IMMP2L: variants seen among roughly 807,000 people sequenced by gnomAD.
The protein encoded by IMMP2L is mitochondrial inner membrane protease subunit 2.
In IMMP2L, 18 loss-of-function variants were observed where a neutral mutation model predicts 19.3. The observed-to-expected ratio is 0.93, with a 90% confidence interval of 0.64 to 1.38. The LOEUF is 1.38. IMMP2L is among the 40% of genes most tolerant of loss of function. The probability of loss-of-function intolerance (pLI) is 0.00; values close to 1 mark genes in which losing one functional copy is unlikely to be tolerated. For missense variants in IMMP2L, 233 were observed against 218.2 expected (o/e 1.07, Z -0.43); for synonymous variants, 76 against 73.0 (o/e 1.04, Z -0.21).
intron 3 of IMMP2L, among the ~76,000 whole-genome samples, chr7:111,445,976 C>T (rs982434383): frequency 1.4e-4 from 21 of 152,028 alleles, no homozygotes; most frequent in Admixed American, 1.4e-3. Context: ...GTCACTCCCA[C>T]CCGAATATTG....
chr7:111,376,042 T>C (rs1258258932), intron 3 of IMMP2L, among the ~76,000 whole-genome samples: 1 of 152,104 alleles, frequency 6.6e-6, no homozygotes, highest in East Asian at 1.9e-4. Flanking sequence ...TCCTACACAA[T>C]TTACTAGCTC....
rs1231198002 is a variant in IMMP2L at position 111,161,354 on chromosome 7, TA to T, written c.240-197790del. Reference sequence around the variant, plus strand: ...TATCCCGAACAAAATGCTATAAAAATAAAATCCAGTGATACATAAAAACATT... The same window carrying T: ...TATCCCGAACAAAATGCTATAAAAATAAATCCAGTGATACATAAAAACATT... On this transcript the variant is annotated intron_variant, in intron 3 of 5. Coordinates refer to ENST00000405709, the MANE Select transcript of IMMP2L (RefSeq NM_032549.4). Among the ~76,000 whole-genome samples, 3 of 151,866 alleles carry T rather than the reference TA, an allele frequency of 2.0e-5. 1 individual carries two copies. The highest frequency in any genetic ancestry group is 7.2e-5 in the African/African-American group (3 of 41,402).
rs541713329 is a variant in IMMP2L at position 110,670,558 on chromosome 7, C to T, written c.409-6837G>A. On this transcript the variant is annotated intron_variant, in intron 5 of 5. Transcript: ENST00000405709. ...TACAAAAATTAGCCAGATGCAGTGG[C>T]GCCTGCCTGTAATCCCAGCTACTCG... 2.7e-4 allele frequency among the ~76,000 whole-genome samples: 41 copies of T among 152,034 alleles called. No homozygotes were observed. In the East Asian group the frequency reaches 7.6e-3, roughly 28 times the overall value.
intron 3 of IMMP2L, among the ~76,000 whole-genome samples, chr7:111,461,643 C>T (rs1026756683): frequency 1.3e-5 from 2 of 151,948 alleles, no homozygotes; most frequent in Non-Finnish European, 2.9e-5. Context: ...AGATATGTTC[C>T]TGAGTTTTCA....
chr7:111,166,136 G>A (rs1235602800), intron 3 of IMMP2L, among the ~76,000 whole-genome samples: 2 of 151,858 alleles, frequency 1.3e-5, no homozygotes, highest in African/African-American at 2.4e-5. Flanking sequence ...AATAATGGAA[G>A]GATTATTATC....
At chr7:110,734,704 C>A (rs1476474430) in intron 5 of IMMP2L, among the ~76,000 whole-genome samples, 1 of 139,446 alleles carries the variant, frequency 7.2e-6, no homozygotes, top group East Asian at 2.2e-4. Flanking sequence ...AGGGTGGGTC[C>A]TCAGTTAATT....
chr7:111,261,987 T>C (rs555576864), intron 3 of IMMP2L, among the ~76,000 whole-genome samples: 2 of 152,168 alleles, frequency 1.3e-5, no homozygotes, highest in Admixed American at 1.3e-4. Context: ...AATATACCAG[T>C]AGTCTGTTAG....
At chr7:111,253,579 A>G (rs559673534) in intron 3 of IMMP2L, among the ~76,000 whole-genome samples, 1 of 152,322 alleles carries the variant, frequency 6.6e-6, no homozygotes, top group East Asian at 1.9e-4. Flanking sequence ...GGCTGAGCTC[A>G]TGAAAAGTAA....
At chr7:110,838,097 T>A (rs1804688145) in intron 5 of IMMP2L, among the ~76,000 whole-genome samples, 1 of 152,104 alleles carries the variant, frequency 6.6e-6, no homozygotes, top group Non-Finnish European at 1.5e-5. Context: ...GAAATAGTAG[T>A]TAGAATTTGT....
chr7:111,319,221 C>T (rs1171598671), intron 3 of IMMP2L, among the ~76,000 whole-genome samples: 3 of 152,096 alleles, frequency 2.0e-5, no homozygotes, highest in Non-Finnish European at 4.4e-5. Flanking sequence ...ACCCTCACAT[C>T]ATCCAGAGAA....
rs1262956709 is a variant in IMMP2L, at chr7:111,117,905, G to A, written c.240-154340C>T. 5.9e-5 allele frequency among the ~76,000 whole-genome samples: 9 copies of A among 152,018 alleles called. No individual in the cohort carries two copies. In the East Asian group the frequency reaches 1.7e-3, roughly 29 times the overall value. On this transcript the variant is annotated intron_variant, in intron 3 of 5. Transcript: ENST00000405709. Reference sequence around the variant, plus strand: ...GTCTTTATAATACACATAATAAAGTGCAAAGAAGAAGGCACACTTTGTTCT... The same window carrying A: ...GTCTTTATAATACACATAATAAAGTACAAAGAAGAAGGCACACTTTGTTCT...
At chr7:110,953,806 T>C (rs1348180015) in intron 4 of IMMP2L, among the ~76,000 whole-genome samples, 1 of 152,110 alleles carries the variant, frequency 6.6e-6, no homozygotes, top group Non-Finnish European at 1.5e-5. Context: ...CATTTCTATT[T>C]CTCCACATCC....
intron 5 of IMMP2L, among the ~76,000 whole-genome samples, chr7:110,795,411 G>C (rs1249856049): frequency 2.6e-5 from 4 of 152,014 alleles, no homozygotes; most frequent in Non-Finnish European, 5.9e-5. Context: ...GAGCAAGTGG[G>C]CCAGAAACAA....
In IMMP2L at chr7:111,080,496, G is replaced by A. The variant is rs1056385374; in HGVS notation, c.240-116931C>T. On this transcript the variant is annotated intron_variant, in intron 3 of 5. Transcript: ENST00000405709. ...TACATGTGTGTATTATATATTATGT[G>A]TGTATAATATATAATGTGTGTATAA... 3.7e-5 allele frequency among the ~76,000 whole-genome samples: 3 copies of A among 80,386 alleles called. No homozygotes were observed. In the Admixed American group the frequency reaches 4.9e-4, roughly 13 times the overall value. The allele number at this position is 80,386 out of a possible 152,430, so 52.7% of individuals were successfully genotyped here. A position where few individuals can be genotyped will look rare whatever the true frequency, so the allele number is the denominator to read the frequency against.
chr7:110,901,692 A>G (rs1006351149), intron 4 of IMMP2L, among the ~76,000 whole-genome samples: 1 of 152,336 alleles, frequency 6.6e-6, no homozygotes, highest in African/African-American at 2.4e-5. Context: ...CAGATATTGC[A>G]TATAAGTAAT....
chr7:111,306,625 T>C (rs900061628), intron 3 of IMMP2L, among the ~76,000 whole-genome samples: 2 of 150,316 alleles, frequency 1.3e-5, no homozygotes, highest in African/African-American at 2.5e-5. Flanking sequence ...TGTGTGTGTG[T>C]GTGTGTGTGT....
intron 5 of IMMP2L, among the ~76,000 whole-genome samples, chr7:110,773,919 A>T (rs1287680039): frequency 3.3e-5 from 5 of 151,812 alleles, no homozygotes. Context: ...TAAAAAAAAA[A>T]AAATGTTTAT....
chr7:110,680,072 G>C (rs1020585415), intron 5 of IMMP2L, among the ~76,000 whole-genome samples: 1 of 152,166 alleles, frequency 6.6e-6, no homozygotes, highest in Non-Finnish European at 1.5e-5. Flanking sequence ...CAGAAACAGA[G>C]TTCAAGTTGC....
intron 5 of IMMP2L, among the ~76,000 whole-genome samples, chr7:110,820,084 C>G (rs2131327327): frequency 6.6e-6 from 1 of 152,074 alleles, no homozygotes; most frequent in Non-Finnish European, 1.5e-5. Context: ...AATCTAGGCT[C>G]AGTTTTATCA....
Sources: gnomAD v4.1 joint callset for allele counts (sites outside exome capture counted in the v4.1 genomes callset) on GRCh38, gnomAD v4.1.1 for gene constraint, MANE v1.5 for transcripts, NCBI Gene and HGNC (gene_info 2026-07-23, HGNC 2026-07-21) for gene names.